DOK6: variants seen among roughly 807,000 people sequenced by gnomAD.
The protein encoded by DOK6 is docking protein 6.
A neutral mutation model predicts 44.0 loss-of-function variants in DOK6; 22 were observed. The ratio of observed to expected loss-of-function variants is 0.50; its 90% confidence interval spans 0.36 to 0.71. The LOEUF is 0.71. Ranked by LOEUF, DOK6 falls within the 30% of genes least tolerant of loss-of-function variation. The pLI is 0.00. For missense variants in DOK6, 340 were observed against 416.4 expected (o/e 0.82, Z 1.60); for synonymous variants, 166 against 145.5 (o/e 1.14, Z -1.01).
intron 1 of DOK6, among the ~76,000 whole-genome samples, chr18:69,543,138 T>C (rs1982313098): frequency 6.6e-6 from 1 of 150,858 alleles, no homozygotes; most frequent in African/African-American, 2.4e-5. Context: ...GAAAGTAAGT[T>C]GTAAACCCTT....
chr18:69,433,089 C>T (rs1198237401), intron 1 of DOK6, among the ~76,000 whole-genome samples: 1 of 152,118 alleles, frequency 6.6e-6, no homozygotes, highest in African/African-American at 2.4e-5. Flanking sequence ...AACAGAAGCT[C>T]TCTTCTACCT....
chr18:69,629,027 T>G (rs1984625441), intron 3 of DOK6, among the ~76,000 whole-genome samples: 2 of 152,212 alleles, frequency 1.3e-5, no homozygotes, highest in Admixed American at 6.5e-5. Context: ...GATGATCACA[T>G]AGTAGCAAAA....
chr18:69,479,124 G>C (rs1379754953), intron 1 of DOK6, among the ~76,000 whole-genome samples: 2 of 152,122 alleles, frequency 1.3e-5, no homozygotes, highest in African/African-American at 4.8e-5. Flanking sequence ...CATGTTGCCT[G>C]TTCTCGGGAA....
intron 7 of DOK6, among the ~76,000 whole-genome samples, chr18:69,838,190 T>A (rs62090544): frequency 0.016 from 2,388 of 151,778 alleles, 21 homozygotes; most frequent in Middle Eastern, 0.02. Context: ...GTAGTGTGAA[T>A]TAAAGCTGCC....
At chr18:69,756,289 AC>A (rs977208589) in intron 6 of DOK6, among the ~76,000 whole-genome samples, 3 of 152,042 alleles carry the variant, frequency 2.0e-5, no homozygotes, top group Non-Finnish European at 2.9e-5. Context: ...TCTCCTTAGA[AC>A]CCCACCCCTG....
intron 5 of DOK6, among the ~76,000 whole-genome samples, chr18:69,730,768 C>A (rs1436696915): frequency 1.3e-5 from 2 of 151,988 alleles, no homozygotes; most frequent in Non-Finnish European, 2.9e-5. Flanking sequence ...TCATTTTGTT[C>A]ATGATTTCAG....
intron 1 of DOK6, among the ~76,000 whole-genome samples, chr18:69,495,808 C>A (rs921726743): frequency 1.3e-5 from 2 of 152,192 alleles, no homozygotes; most frequent in African/African-American, 4.8e-5. Context: ...CTCAACTTCC[C>A]TCCTATGCTC....
At chr18:69,825,283 CAT>C (rs1271107427) in intron 7 of DOK6, among the ~76,000 whole-genome samples, 6 of 152,080 alleles carry the variant, frequency 3.9e-5, no homozygotes, top group African/African-American at 9.7e-5. Flanking sequence ...ATTATGGAAA[CAT>C]AAATGGTTTA....
chr18:69,638,733 G>A (rs1984869538), intron 3 of DOK6, among the ~76,000 whole-genome samples: 1 of 152,070 alleles, frequency 6.6e-6, no homozygotes. Flanking sequence ...TCTTCAATGG[G>A]AATAGCTTGA....
intron 1 of DOK6, among the ~76,000 whole-genome samples, chr18:69,477,258 G>A (rs1423194005): frequency 6.6e-6 from 1 of 152,166 alleles, no homozygotes; most frequent in Non-Finnish European, 1.5e-5. Context: ...CAGGTTTCGA[G>A]ATCCGTTCTA....
At chr18:69,490,853 T>G (rs1980715649) in intron 1 of DOK6, among the ~76,000 whole-genome samples, 1 of 152,270 alleles carries the variant, frequency 6.6e-6, no homozygotes, top group African/African-American at 2.4e-5. Flanking sequence ...AAATTTGACC[T>G]GCTAATTTCC....
chr18:69,668,531 T>C (rs975566929), intron 3 of DOK6, among the ~76,000 whole-genome samples: 4 of 152,240 alleles, frequency 2.6e-5, no homozygotes, highest in Non-Finnish European at 5.9e-5. Context: ...AGTGTACTCA[T>C]AGTTTTCTTC....
intron 1 of DOK6, among the ~76,000 whole-genome samples, chr18:69,526,005 T>G (rs1001081930): frequency 3.3e-5 from 5 of 152,092 alleles, no homozygotes; most frequent in South Asian, 2.1e-4. Flanking sequence ...AGTATGTATA[T>G]AAATATATTA....
intron 1 of DOK6, among the ~76,000 whole-genome samples, chr18:69,474,974 A>G (rs997256395): frequency 6.6e-6 from 1 of 152,206 alleles, no homozygotes; most frequent in African/African-American, 2.4e-5. Context: ...TTTAAAATTT[A>G]TGTTCTTATA....
At chr18:69,698,364 T>A (rs937574837) in intron 4 of DOK6, 40 bp from the exon 5 acceptor site, 12 of 1,556,804 alleles carry the variant, frequency 7.7e-6, no homozygotes, top group Non-Finnish European at 8.7e-6. Flanking sequence ...CACTCACACC[T>A]CTTTTCACTT....
chr18:69,475,160 A>G (rs1362122859), intron 1 of DOK6, among the ~76,000 whole-genome samples: 1 of 152,220 alleles, frequency 6.6e-6, no homozygotes, highest in Non-Finnish European at 1.5e-5. Context: ...CTGTAGCACA[A>G]CAGAATAAGC....
intron 2 of DOK6, among the ~76,000 whole-genome samples, chr18:69,582,999 C>G (rs1211095203): frequency 6.6e-6 from 1 of 152,208 alleles, no homozygotes; most frequent in Non-Finnish European, 1.5e-5. Context: ...TTCTCATTAT[C>G]TCAAACAGTG....
intron 4 of DOK6, 38 bp downstream of exon 4, chr18:69,677,891 C>T: frequency 6.3e-7 from 1 of 1,593,104 alleles, no homozygotes; most frequent in Non-Finnish European, 8.6e-7. Flanking sequence ...TCAGAATACC[C>T]TTGTAATTGT....
chr18:69,412,743 A>T (rs1412091944), intron 1 of DOK6, among the ~76,000 whole-genome samples: 2 of 152,174 alleles, frequency 1.3e-5, no homozygotes, highest in African/African-American at 2.4e-5. Flanking sequence ...CCATATTTGG[A>T]AAGTACTCCC....
Sources: allele counts gnomAD v4.1 joint callset (sites outside exome capture counted in the v4.1 genomes callset), GRCh38; gene constraint gnomAD v4.1.1; transcripts MANE v1.5; gene names NCBI Gene and HGNC (gene_info 2026-07-23, HGNC 2026-07-21).